ST18: variants seen among roughly 807,000 people sequenced by gnomAD.
ST18 encodes the protein ST18 C2H2C-type zinc finger transcription factor.
In ST18, 50 loss-of-function variants were observed where a neutral mutation model predicts 110.0. The observed-to-expected ratio is 0.45, with a 90% CI of 0.36 to 0.58. The LOEUF is 0.58. Among genes scored for constraint, ST18 ranks in the 20% least tolerant of loss-of-function variants. The pLI, the probability that ST18 is intolerant of heterozygous loss-of-function variation, is 0.00. For synonymous variants in ST18, 461 were observed against 452.4 expected (o/e 1.02, Z -0.24); for missense variants, 1,306 against 1,280.1 (o/e 1.02, Z -0.31).
chr8:52,351,753 T>C (rs1049713992), intron 2 of ST18, among the ~76,000 whole-genome samples: 2 of 152,176 alleles, frequency 1.3e-5, no homozygotes, highest in Admixed American at 1.3e-4. Context: ...AAACTTGAAA[T>C]TAAAACTCCA....
chr8:52,331,054 C>T (rs1437930851), intron 2 of ST18, among the ~76,000 whole-genome samples: 1 of 152,114 alleles, frequency 6.6e-6, no homozygotes, highest in Non-Finnish European at 1.5e-5. Flanking sequence ...AGAACAGTTT[C>T]CCTGGCTGCA....
At chr8:52,217,491 T>C (rs1438198167) in intron 6 of ST18, among the ~76,000 whole-genome samples, 1 of 152,040 alleles carries the variant, frequency 6.6e-6, no homozygotes, top group Non-Finnish European at 1.5e-5. Context: ...AATAATGCCA[T>C]GAAAAAAACT....
chr8:52,227,459 T>A (rs1180566788), intron 3 of ST18, among the ~76,000 whole-genome samples: 1 of 151,964 alleles, frequency 6.6e-6, no homozygotes, highest in Non-Finnish European at 1.5e-5. Flanking sequence ...TCCTGAAAAA[T>A]TCATCCCTAG....
chr8:52,242,051 C>T (rs553351854), intron 2 of ST18, among the ~76,000 whole-genome samples: 2 of 152,230 alleles, frequency 1.3e-5, no homozygotes, highest in South Asian at 4.1e-4. Flanking sequence ...TTTTTGTCAA[C>T]CCTCAATAAC....
At chr8:52,349,485 C>G (rs1314917590) in intron 2 of ST18, among the ~76,000 whole-genome samples, 1 of 152,150 alleles carries the variant, frequency 6.6e-6, no homozygotes, top group Non-Finnish European at 1.5e-5. Context: ...TCATCCCACC[C>G]AGCCATCTAA....
intron 13 of ST18, among the ~76,000 whole-genome samples, chr8:52,163,646 T>C (rs955015869): frequency 6.6e-6 from 1 of 152,170 alleles, no homozygotes; most frequent in African/African-American, 2.4e-5. Flanking sequence ...AGAAAGGTGA[T>C]GAAGGAGTGC....
At chr8:52,216,674 C>A (rs1330740412) in intron 6 of ST18, among the ~76,000 whole-genome samples, 2 of 152,158 alleles carry the variant, frequency 1.3e-5, no homozygotes, top group Non-Finnish European at 2.9e-5. Context: ...ATGGTTCTTT[C>A]TTCTCATAGA....
Position 52,153,735 on chromosome 8 carries a change from G to C in ST18, c.1807-3758C>G, listed in dbSNP as rs1450270801. Among the ~76,000 whole-genome samples the C allele has an allele frequency of 2.0e-5, 3 of 152,192 alleles. No individual in the cohort carries two copies. In the East Asian group the frequency reaches 5.8e-4, roughly 29 times the overall value. On this transcript the variant is annotated intron_variant, in intron 15 of 25. Transcript: ENST00000689386. Reference sequence around the variant, plus strand: ...CTTAGCTACTCTAAGATCTTAAGAAGAGAAGTTAGACAGGCATGAGTTCAA... The same window carrying C: ...CTTAGCTACTCTAAGATCTTAAGAACAGAAGTTAGACAGGCATGAGTTCAA...
intron 2 of ST18, among the ~76,000 whole-genome samples, chr8:52,343,567 G>A (rs554196121): frequency 6.6e-6 from 1 of 152,206 alleles, no homozygotes; most frequent in African/African-American, 2.4e-5. Context: ...TCCCTCACAC[G>A]CAGTGGAGCC....
intron 2 of ST18, among the ~76,000 whole-genome samples, chr8:52,295,409 C>T (rs975940493): frequency 1.3e-4 from 19 of 151,834 alleles, no homozygotes; most frequent in Non-Finnish European, 2.4e-4. Context: ...GCTTTTTTTC[C>T]CTCTCTCTCT....
chr8:52,215,490 A>C lies in ST18; in HGVS notation c.1-1233T>G, dbSNP rs549383698. On this transcript the variant is annotated intron_variant, in intron 6 of 25. Transcript: ENST00000689386. Reference sequence around the variant, plus strand: ...TGCAACACTACAGACAAAATTAACGACAGCTCTCGTAAGCTAAAACTATTA... The same window carrying C: ...TGCAACACTACAGACAAAATTAACGCCAGCTCTCGTAAGCTAAAACTATTA... Among the ~76,000 whole-genome samples, 413 of 152,320 alleles carry C rather than the reference A, an allele frequency of 2.7e-3. 5 individuals carry two copies. The highest frequency in any genetic ancestry group is 9.7e-4 in the Non-Finnish European group (66 of 68,032).
intron 9 of ST18, among the ~76,000 whole-genome samples, chr8:52,175,654 G>A (rs1488989191): frequency 6.6e-6 from 1 of 152,146 alleles, no homozygotes; most frequent in South Asian, 2.1e-4. Context: ...TTTGTTCCTG[G>A]CATGGTGTTC....
Position 52,137,432 on chromosome 8 carries a change from T to C in ST18, c.2220A>G (p.Ala740=). 6.2e-7 allele frequency: 1 copy of C among 1,614,106 alleles called. No homozygotes were observed. Among genetic ancestry groups the C allele is most frequent in the East Asian group, 2.2e-5 (1 of 44,856 alleles). The part of the protein sequence containing the change: ...DGSGHVTGNY[A]SHRSVSGCPL... Reference sequence around the variant, plus strand: ...AGGTCATTGGGTACCTGCGATGAGATGCATAGTTTCCTGTCACGTGGCCAC... The same window carrying C: ...AGGTCATTGGGTACCTGCGATGAGACGCATAGTTTCCTGTCACGTGGCCAC... The change falls in exon 18 of 26, where the codon GCA becomes GCG. Residue 740 remains alanine, a synonymous_variant. Coordinates refer to ENST00000689386, the MANE Select transcript of ST18 (RefSeq NM_001352837.2).
At chr8:52,270,589 G>T (rs190394235) in intron 2 of ST18, among the ~76,000 whole-genome samples, 1 of 152,122 alleles carries the variant, frequency 6.6e-6, no homozygotes, top group East Asian at 1.9e-4. Context: ...TGATGGATAT[G>T]AAATTAGTCT....
At position 52,380,653 on chromosome 8, in the gene ST18, C is replaced by A. The variant is rs577449279; in HGVS notation, c.-465+28675G>T. 2.6e-5 allele frequency among the ~76,000 whole-genome samples: 4 copies of A among 152,172 alleles called. No individual in the cohort carries two copies. In the East Asian group the frequency reaches 7.7e-4, roughly 29 times the overall value. On this transcript the variant is annotated intron_variant, in intron 2 of 25. Transcript: ENST00000689386. ...AATATCTTCCCATATGATATACTAT[C>A]CAGTGTCATCCAGAAGAATCTAAAA...
At chr8:52,235,852 T>C (rs1230033027) in intron 2 of ST18, among the ~76,000 whole-genome samples, 2 of 152,200 alleles carry the variant, frequency 1.3e-5, no homozygotes, top group Non-Finnish European at 2.9e-5. Context: ...GATATTAACA[T>C]TGAAGGACCG....
chr8:52,385,373 G>A (rs1190352698), intron 2 of ST18, among the ~76,000 whole-genome samples: 7 of 152,138 alleles, frequency 4.6e-5, no homozygotes, highest in African/African-American at 1.4e-4. Flanking sequence ...GCCAAGGCAG[G>A]CGGATCACCT....
chr8:52,330,567 G>A (rs1426080369), intron 2 of ST18, among the ~76,000 whole-genome samples: 2 of 152,244 alleles, frequency 1.3e-5, no homozygotes, highest in African/African-American at 4.8e-5. Flanking sequence ...ATGGCATCCA[G>A]GTCATTCTCT....
intron 2 of ST18, among the ~76,000 whole-genome samples, chr8:52,385,058 A>G (rs1836042735): frequency 6.6e-6 from 1 of 152,232 alleles, no homozygotes; most frequent in Admixed American, 6.5e-5. Flanking sequence ...AATGTGTCCA[A>G]TAACCCTCTG....
Sources: allele counts gnomAD v4.1 joint callset (sites outside exome capture counted in the v4.1 genomes callset), GRCh38; gene constraint gnomAD v4.1.1; transcripts MANE v1.5; gene names NCBI Gene and HGNC (gene_info 2026-07-23, HGNC 2026-07-21).